Variants in KIAA0753 observed in about 807,000 individuals in gnomAD.
The protein encoded by KIAA0753 is protein moonraker.
KIAA0753 carries 114 observed loss-of-function variants against 116.9 expected under a neutral mutation model. The observed-to-expected ratio is 0.98, with a 90% CI of 0.84 to 1.14. KIAA0753 has a LOEUF of 1.14. Among genes scored for constraint, KIAA0753 ranks in the 50% most tolerant of loss-of-function variants. The pLI, the probability that KIAA0753 is intolerant of heterozygous loss-of-function variation, is 0.00. For synonymous variants in KIAA0753, 405 were observed against 413.1 expected, an observed-to-expected ratio of 0.98 and a Z score of 0.24; for missense variants, 1,156 against 1,172.4, an observed-to-expected ratio of 0.99 and a Z score of 0.20.
At chr17:6,637,893 T>G (rs891029752) in intron 1 of KIAA0753, 1 of 152,806 alleles carries the variant, frequency 6.5e-6, no homozygotes, top group Non-Finnish European at 1.5e-5. Flanking sequence ...CTGACAAGCC[T>G]GAAAAGCCTC....
chr17:6,612,459 A>G (rs1052164489), intron 7 of KIAA0753, among the ~76,000 whole-genome samples: 1 of 152,222 alleles, frequency 6.6e-6, no homozygotes, highest in African/African-American at 2.4e-5. Flanking sequence ...CTATTACCCA[A>G]GGTCAGGCTT....
rs544113231 is a variant in KIAA0753 at position 6,612,885 on chromosome 17, AATAC to A, written c.1316-741_1316-738del. Among the ~76,000 whole-genome samples, 636 of 152,260 alleles carry A rather than the reference AATAC, an allele frequency of 4.2e-3. 2 individuals carry two copies. The highest frequency in any genetic ancestry group is 6.8e-3 in the Non-Finnish European group (463 of 68,016). On this transcript the variant is annotated intron_variant, in intron 7 of 18. Transcript: ENST00000361413. ...CTTCATCTCAAAAATAATAAAAATA[AATAC>A]ATACATACATAAATAAATAAATGTC...
At chr17:6,587,463 G>A (rs1269827399) in intron 18 of KIAA0753, among the ~76,000 whole-genome samples, 1 of 152,164 alleles carries the variant, frequency 6.6e-6, no homozygotes, top group Non-Finnish European at 1.5e-5. Flanking sequence ...ATTTGATCAG[G>A]TGGTAAGAAC....
At chr17:6,608,615 A>AGT in intron 9 of KIAA0753, 151 bp from the exon 10 acceptor site, 5 of 444,608 alleles carry the variant, frequency 1.1e-5, no homozygotes, top group Non-Finnish European at 2.0e-5. Context: ...TGTGAAGAAA[A>AGT]GTGAGATCCT....
intron 6 of KIAA0753, among the ~76,000 whole-genome samples, chr17:6,621,398 C>T (rs1971316492): frequency 6.6e-6 from 1 of 152,192 alleles, no homozygotes; most frequent in Non-Finnish European, 1.5e-5. Context: ...ATTTAACATA[C>T]ATTTTCCTGA....
At chr17:6,624,362 T>C (rs906971431) in intron 4 of KIAA0753, among the ~76,000 whole-genome samples, 25 of 152,128 alleles carry the variant, frequency 1.6e-4, no homozygotes, top group Non-Finnish European at 3.2e-4. Flanking sequence ...CCTCTAAGAC[T>C]GGGGTCCATA....
chr17:6,614,336 CATT>C (rs1323255652), intron 7 of KIAA0753, among the ~76,000 whole-genome samples: 1 of 152,128 alleles, frequency 6.6e-6, no homozygotes, highest in African/African-American at 2.4e-5. Context: ...TTCACTTCAT[CATT>C]GTTTATAAAA....
intron 2 of KIAA0753, among the ~76,000 whole-genome samples, chr17:6,630,695 C>G (rs73350289): frequency 4.6e-5 from 7 of 152,180 alleles, no homozygotes; most frequent in African/African-American, 1.7e-4. Flanking sequence ...AGGAGAGTAG[C>G]TGAGTAAACA....
At chr17:6,608,639 A>C (rs1200540622) in intron 9 of KIAA0753, among the ~76,000 whole-genome samples, 175 bp from the exon 10 acceptor site, 2 of 152,228 alleles carry the variant, frequency 1.3e-5, no homozygotes, top group Non-Finnish European at 2.9e-5. Flanking sequence ...GCACTCAGGC[A>C]CAGTGTCAAA....
intron 18 of KIAA0753, among the ~76,000 whole-genome samples, chr17:6,588,266 G>A (rs764290542): frequency 1.3e-5 from 2 of 152,200 alleles, no homozygotes; most frequent in Non-Finnish European, 2.9e-5. Context: ...TTTCACACTT[G>A]TAAGTTTCAA....
At chr17:6,632,068 C>G (rs1597605136) in intron 2 of KIAA0753, among the ~76,000 whole-genome samples, 1 of 151,932 alleles carries the variant, frequency 6.6e-6, no homozygotes, top group East Asian at 1.9e-4. Flanking sequence ...TATTTTTTAG[C>G]AGAGATGGGG....
At chr17:6,603,877 C>A (rs1387544837) in intron 12 of KIAA0753, among the ~76,000 whole-genome samples, 2 of 152,142 alleles carry the variant, frequency 1.3e-5, no homozygotes, top group African/African-American at 4.8e-5. Flanking sequence ...CAGAAAAACC[C>A]ATGGCCACAT....
rs758995224 is a variant in KIAA0753, at chr17:6,595,066, A to G, written c.2359-13T>C. On this transcript the variant is annotated splice_polypyrimidine_tract_variant and intron_variant, in intron 15 of 18. Transcript: ENST00000361413. ...ACTCCTGGTATTTCTTTAAAAAAAA[A>G]GAAAAAAGTTTAATTTATGAGAAAA... The G allele has an allele frequency of 1.4e-5, 22 of 1,561,900 alleles. No homozygotes were observed. In the African/African-American group the frequency reaches 3.0e-4, roughly 21 times the overall value.
At chr17:6,623,414 A>G in intron 5 of KIAA0753, 95 bp downstream of exon 5, 1 of 998,806 alleles carries the variant, frequency 1.0e-6, no homozygotes, top group Non-Finnish European at 1.5e-6. Context: ...AGTACTGAAA[A>G]TAACATTAGT....
intron 1 of KIAA0753, chr17:6,636,091 C>T (rs1044155325): frequency 2.6e-5 from 4 of 152,038 alleles, no homozygotes; most frequent in Non-Finnish European, 5.9e-5. Context: ...CTCAAAAAAT[C>T]CTACAGTAAA....
chr17:6,634,102 T>C (rs1440022706), intron 2 of KIAA0753, among the ~76,000 whole-genome samples: 2 of 150,432 alleles, frequency 1.3e-5, no homozygotes, highest in Non-Finnish European at 2.9e-5. Flanking sequence ...ATTCTTTTTT[T>C]TTTTTTTTTT....
chr17:6,627,495 G>A (rs1367177868), intron 3 of KIAA0753, among the ~76,000 whole-genome samples: 1 of 151,726 alleles, frequency 6.6e-6, no homozygotes, highest in East Asian at 1.9e-4. Context: ...TTCCCTACTT[G>A]TTAGTTACGG....
chr17:6,631,526 T>C (rs1972020105), intron 2 of KIAA0753, among the ~76,000 whole-genome samples: 1 of 151,696 alleles, frequency 6.6e-6, no homozygotes, highest in Non-Finnish European at 1.5e-5. Context: ...TTGTGAGTTT[T>C]AATACAGACA....
chr17:6,606,997 C>G, intron 11 of KIAA0753, 35 bp from the exon 12 acceptor site: 1 of 1,594,538 alleles, frequency 6.3e-7, no homozygotes, highest in East Asian at 2.2e-5. Context: ...CCCAACTCTC[C>G]TCAAGGCAGA....
Sources: allele counts gnomAD v4.1 joint callset (sites outside exome capture counted in the v4.1 genomes callset), GRCh38; gene constraint gnomAD v4.1.1; transcripts MANE v1.5; gene names NCBI Gene and HGNC (gene_info 2026-07-23, HGNC 2026-07-21).